Variants in MID1 observed in about 807,000 individuals in gnomAD.
The protein encoded by MID1 is midline 1.
In MID1, 7 loss-of-function variants were observed where a neutral mutation model predicts 40.4. That is an observed-to-expected ratio of 0.17 (90% CI 0.10 to 0.33). The LOEUF is 0.33. Among genes scored for constraint, MID1 ranks in the 10% least tolerant of loss-of-function variants. MID1 has a pLI of 1.00. For synonymous variants in MID1, 229 were observed against 221.2 expected (o/e 1.04, Z -0.31); for missense variants, 367 against 558.5 (o/e 0.66, Z 3.46).
intron 9 of MID1, among the ~76,000 whole-genome samples, chrX:10,451,690 T>A (rs1036538379): frequency 1.8e-5 from 2 of 111,262 alleles, no homozygotes; most frequent in Admixed American, 1.9e-4. Flanking sequence ...AGTGAATAAG[T>A]CTCATGAGAT....
At chrX:10,466,724 A>T (rs994078066) in intron 7 of MID1, among the ~76,000 whole-genome samples, 7 of 111,981 alleles carry the variant, frequency 6.3e-5, no homozygotes, top group Non-Finnish European at 1.1e-4. Flanking sequence ...GATATTAGTG[A>T]TCATAGATTA....
intron 7 of MID1, among the ~76,000 whole-genome samples, chrX:10,462,178 G>A (rs1929082589): frequency 9.1e-6 from 1 of 110,040 alleles, no homozygotes; most frequent in Non-Finnish European, 1.9e-5. Context: ...CTTTATACTG[G>A]GACAATCTAC....
In MID1 at chrX:10,810,279, T is replaced by C. The variant is rs774261664; in HGVS notation, c.-187+23275A>G. Among the ~76,000 whole-genome samples the C allele has an allele frequency of 4.4e-5, 5 of 112,613 alleles. No individual in the cohort carries two copies. The South Asian group carries it at 1.8e-3, about 41-fold the overall frequency. On this transcript the variant is annotated intron_variant, in intron 1 of 10. Coordinates refer to the MID1 transcript ENST00000380785. The stretch of plus-strand genomic sequence containing the variant: ...GAATCGTACAGTATTTGTCCTTTTC[T>C]GCCTGGCTTCTTTCACTTAGCATAA...
chrX:10,726,132 C>A (rs1232928684), intron 1 of MID1, among the ~76,000 whole-genome samples: 1 of 111,636 alleles, frequency 9.0e-6, no homozygotes, highest in African/African-American at 3.2e-5. Flanking sequence ...TGAGATTTTT[C>A]TTTTAGCCTT....
At chrX:10,773,127 T>C (rs997905715) in intron 1 of MID1, among the ~76,000 whole-genome samples, 2 of 112,240 alleles carry the variant, frequency 1.8e-5, no homozygotes, top group Non-Finnish European at 3.8e-5. Context: ...TAATGAAATA[T>C]GTAGTTCTAA....
chrX:10,589,789 C>A (rs1203392304), intron 1 of MID1: 1 of 110,690 alleles, frequency 9.0e-6, no homozygotes, highest in African/African-American at 3.3e-5. Context: ...CAGGCTAAAG[C>A]CACCTAAGGA....
At chrX:10,710,559 A>G (rs1027507836) in intron 1 of MID1, among the ~76,000 whole-genome samples, 5 of 110,658 alleles carry the variant, frequency 4.5e-5, no homozygotes, top group African/African-American at 1.6e-4. Flanking sequence ...TAATCCCACC[A>G]ACCAAATGAG....
At chrX:10,514,316 C>T in intron 3 of MID1, among the ~76,000 whole-genome samples, 1 of 112,153 alleles carries the variant, frequency 8.9e-6, no homozygotes, top group East Asian at 2.8e-4. Context: ...AAAAGTAATA[C>T]CAGCTTACTA....
At chrX:10,499,437 C>T (rs1931432668) in intron 3 of MID1, among the ~76,000 whole-genome samples, 1 of 111,993 alleles carries the variant, frequency 8.9e-6, no homozygotes, top group East Asian at 2.8e-4. Context: ...AAGCACAAAA[C>T]ATTTTTAAAT....
At chrX:10,550,836 C>T (rs745409314) in intron 2 of MID1, among the ~76,000 whole-genome samples, 22 of 110,723 alleles carry the variant, frequency 2.0e-4, no homozygotes, top group South Asian at 1.5e-3. Context: ...TCCCAAGTTT[C>T]GAAAACTAAG....
intron 1 of MID1, among the ~76,000 whole-genome samples, chrX:10,775,709 T>G (rs1346983732): frequency 3.6e-5 from 4 of 111,770 alleles, no homozygotes; most frequent in Non-Finnish European, 7.5e-5. Context: ...AAGCTAGCCT[T>G]GGCCTTCCTG....
intron 1 of MID1, among the ~76,000 whole-genome samples, chrX:10,666,655 T>TG (rs1431518561): frequency 9.0e-6 from 1 of 111,427 alleles, no homozygotes; most frequent in African/African-American, 3.3e-5. Flanking sequence ...AAAGGGGGTG[T>TG]GGGGAACTTG....
At chrX:10,529,945 T>C (rs1276801686) in intron 2 of MID1, among the ~76,000 whole-genome samples, 5 of 112,232 alleles carry the variant, frequency 4.5e-5, no homozygotes, top group African/African-American at 1.6e-4. Flanking sequence ...ACAACTAGTG[T>C]AGATAGTTAA....
intron 1 of MID1, among the ~76,000 whole-genome samples, chrX:10,633,654 A>G (rs1046564088): frequency 1.8e-5 from 2 of 110,514 alleles, no homozygotes; most frequent in Admixed American, 1.9e-4. Context: ...GGGTCTCCCT[A>G]TGCTGCTCAG....
At chrX:10,703,356 G>C (rs1295888710) in intron 1 of MID1, among the ~76,000 whole-genome samples, 1 of 112,284 alleles carries the variant, frequency 8.9e-6, no homozygotes, top group Admixed American at 9.5e-5. Flanking sequence ...CAAAATATAA[G>C]CAGATAGTTG....
Position 10,644,224 on chromosome X carries a change from C to T in MID1, c.-186-23805G>A, listed in dbSNP as rs781713278. Among the ~76,000 whole-genome samples the T allele has an allele frequency of 2.7e-5, 3 of 111,212 alleles. No homozygotes were observed. The East Asian group carries it at 8.5e-4, about 31-fold the overall frequency. ...TATGTACCAGGCACTTAACTACACA[C>T]CTTAACTACAGAAACTAAATTAAAT... On this transcript the variant is annotated intron_variant, in intron 1 of 10. Transcript: ENST00000380785.
At chrX:10,791,749 T>C (rs1419800385) in intron 1 of MID1, among the ~76,000 whole-genome samples, 3 of 111,420 alleles carry the variant, frequency 2.7e-5, no homozygotes, top group African/African-American at 6.5e-5. Context: ...TCAAGTTTGA[T>C]ACACATGCAT....
At chrX:10,520,869 G>A (rs956773266) in intron 3 of MID1, among the ~76,000 whole-genome samples, 1 of 111,202 alleles carries the variant, frequency 9.0e-6, no homozygotes, top group African/African-American at 3.3e-5. Context: ...GTACATGAAA[G>A]AATGATAAAG....
At chrX:10,659,157 T>G (rs888765591) in intron 1 of MID1, among the ~76,000 whole-genome samples, 6 of 112,077 alleles carry the variant, frequency 5.4e-5, no homozygotes, top group Admixed American at 9.4e-5. Flanking sequence ...GTGTAAATAA[T>G]TAATTGTGTT....
Sources: allele counts gnomAD v4.1 joint callset (sites outside exome capture counted in the v4.1 genomes callset), GRCh38; gene constraint gnomAD v4.1.1; transcripts MANE v1.5; gene names NCBI Gene and HGNC (gene_info 2026-07-23, HGNC 2026-07-21).